The following CC2D1A variants were observed in gnomAD, a reference collection of about 807,000 sequenced individuals.
The protein encoded by CC2D1A is coiled-coil and C2 domain-containing protein 1A.
CC2D1A carries 68 observed loss-of-function variants against 123.8 expected under a neutral mutation model. That is an observed-to-expected ratio of 0.55 (90% CI 0.45 to 0.67). CC2D1A has a LOEUF of 0.67. CC2D1A is among the 30% of genes least tolerant of loss of function. CC2D1A has a pLI of 0.00. For missense variants in CC2D1A, 1,185 were observed against 1,290.3 expected, an observed-to-expected ratio of 0.92 and a Z score of 1.25; for synonymous variants, 477 against 528.0, an observed-to-expected ratio of 0.90 and a Z score of 1.32.
intron 6 of CC2D1A, among the ~76,000 whole-genome samples, chr19:13,915,835 G>GA (rs1203912265): frequency 3.3e-5 from 5 of 152,026 alleles, no homozygotes; most frequent in South Asian, 4.2e-4. Context: ...TCTAAAAAAA[G>GA]AAAAAACAGA....
chr19:13,920,103 T>A, intron 12 of CC2D1A, 152 bp downstream of exon 12: 1 of 698,986 alleles, frequency 1.4e-6, no homozygotes, highest in Non-Finnish European at 2.3e-6. Flanking sequence ...TTTTTAAAAT[T>A]AGCCAGGCAT....
intron 17 of CC2D1A, among the ~76,000 whole-genome samples, chr19:13,924,557 C>T (rs2145355132): frequency 6.6e-6 from 1 of 152,140 alleles, no homozygotes; most frequent in East Asian, 1.9e-4. Flanking sequence ...TCAACCTCTG[C>T]CTCCCAGGTT....
Position 13,930,583 on chromosome 19 carries a change from C to A in CC2D1A, c.*188C>A. ...GGGTGTTGGGAACCATGCCTGCCAGCCAGTATGTGCCCCTCACCCAGGCCT... is the reference window on the plus strand; with the variant it reads ...GGGTGTTGGGAACCATGCCTGCCAGACAGTATGTGCCCCTCACCCAGGCCT... On this transcript the variant is annotated 3_prime_UTR_variant, in exon 29 of 29. Coordinates refer to ENST00000318003, the MANE Select transcript of CC2D1A (RefSeq NM_017721.5). This position sits in a 1 kb window ranked among gnomAD's most constrained non-coding sequence, Gnocchi z 6.8. The A allele has an allele frequency of 1.5e-6, 1 of 656,270 alleles. No homozygotes were observed. Among genetic ancestry groups the A allele is most frequent in the Non-Finnish European group, 2.6e-6 (1 of 387,874 alleles). The allele number at this position is 656,270 out of a possible 1,614,324, so 40.7% of individuals were successfully genotyped here. A position where few individuals can be genotyped will look rare whatever the true frequency, so the allele number is the denominator to read the frequency against.
At position 13,918,981 on chromosome 19, in the gene CC2D1A, C is replaced by G; in HGVS notation, c.1088C>G (p.Ala363Gly). Residue 363 changes from alanine (A) to glycine (G), a missense_variant, in exon 10 of 29, where the codon GCA (alanine) becomes GGA (glycine). Physicochemically the swap from Ala to Gly is moderately conservative, Grantham distance 60 (BLOSUM62 0). Coordinates refer to ENST00000318003, the MANE Select transcript of CC2D1A (RefSeq NM_017721.5). ...CGGATGGAGCGGTACCAGGTGGCCG[C>G]AGCCCAGGCCAAGAGCAAGGGGGAC... ...EQRMERYQVA[A>G]AQAKSKGDQR... 6.2e-7 allele frequency: 1 copy of G among 1,609,392 alleles called. No individual in the cohort carries two copies. The highest frequency in any genetic ancestry group is 8.5e-7 in the Non-Finnish European group (1 of 1,177,908).
Position 13,930,513 on chromosome 19 carries a change from AC to A in CC2D1A, c.*122del. On this transcript the variant is annotated 3_prime_UTR_variant, in exon 29 of 29. Coordinates refer to ENST00000318003, the MANE Select transcript of CC2D1A (RefSeq NM_017721.5). This position sits in a 1 kb window ranked among gnomAD's most constrained non-coding sequence, Gnocchi z 6.8. ...TCAGCGGACAATCGGTTCTGGACTCACCCCTCATCCGGGCCCCCAGCCCCGC... is the reference window on the plus strand; with the variant it reads ...TCAGCGGACAATCGGTTCTGGACTCACCCTCATCCGGGCCCCCAGCCCCGC... 8.2e-7 allele frequency: 1 copy of A among 1,219,906 alleles called. No individual in the cohort carries two copies. The highest frequency in any genetic ancestry group is 1.1e-6 in the Non-Finnish European group (1 of 899,500). 75.6% of individuals were successfully genotyped at this position (1,219,906 alleles called of 1,614,324 possible).
Position 13,915,646 on chromosome 19 carries a change from A to G in CC2D1A, c.748+2008A>G, listed in dbSNP as rs1045344214. ...GGAGTTCAAGAGCAGTCTAGGCAAC[A>G]TAGCAAGAACCCATCTCTACATAAA... On this transcript the variant is annotated intron_variant, in intron 6 of 28. Coordinates refer to ENST00000318003, the MANE Select transcript of CC2D1A (RefSeq NM_017721.5). 9.9e-5 allele frequency among the ~76,000 whole-genome samples: 15 copies of G among 152,098 alleles called. 1 individual carries two copies. The South Asian group carries it at 2.7e-3, about 27-fold the overall frequency.
At chr19:13,912,937 C>T (rs749507114) in intron 4 of CC2D1A, among the ~76,000 whole-genome samples, 8 of 152,210 alleles carry the variant, frequency 5.3e-5, no homozygotes, top group Non-Finnish European at 8.8e-5. Context: ...TGAGCCACCG[C>T]GCCTGGCCCA....
Position 13,923,890 on chromosome 19 carries a change from A to G in CC2D1A, c.1940+79A>G, listed in dbSNP as rs1012570951. The G allele has an allele frequency of 2.9e-6, 3 of 1,037,848 alleles. No individual in the cohort carries two copies. The African/African-American group carries it at 4.7e-5, about 16-fold the overall frequency. 64.3% of individuals were successfully genotyped at this position (1,037,848 alleles called of 1,614,324 possible). On this transcript the variant is annotated intron_variant, in intron 17 of 28. Coordinates refer to ENST00000318003, the MANE Select transcript of CC2D1A (RefSeq NM_017721.5). This position sits in a 1 kb window ranked among gnomAD's most constrained non-coding sequence, Gnocchi z 5.3. ...GGTGGGGCGGGTTGTGCTCCCCAGA[A>G]GCTGGCACAAGATTTACATCTGGAA... is the stretch of plus-strand genomic sequence containing the variant.
In CC2D1A at chr19:13,920,738, C is replaced by T; in HGVS notation, c.1469-12C>T. ...GCCTGGGCAGCACCCATAGCAGCTC[C>T]TATGCCCACAGCCCAGCAGCAGCTG... is the stretch of plus-strand genomic sequence containing the variant. On this transcript the variant is annotated splice_polypyrimidine_tract_variant and intron_variant, in intron 13 of 28. Coordinates refer to ENST00000318003, the MANE Select transcript of CC2D1A (RefSeq NM_017721.5). The T allele has an allele frequency of 6.2e-7, 1 of 1,612,828 alleles. No individual in the cohort carries two copies. Among genetic ancestry groups the T allele is most frequent in the Non-Finnish European group, 8.5e-7 (1 of 1,179,362 alleles).
rs201844043 is a variant in CC2D1A at position 13,926,679 on chromosome 19, G to T, written c.2027G>T (p.Gly676Val). The change falls in exon 19 of 29, where the codon GGC becomes GTC. Residue 676 changes from glycine (G) to valine (V), a missense_variant. Transcript: ENST00000318003. ...TGTTTGCCCACAGGACTGTCCCCTGGCGATCTGGATGTCTTTGTTCGGTTT... is the reference window on the plus strand; with the variant it reads ...TGTTTGCCCACAGGACTGTCCCCTGTCGATCTGGATGTCTTTGTTCGGTTT... ...NLPTPPGLSPGDLDVFVRFDF... is the reference protein window; with the variant it reads ...NLPTPPGLSPVDLDVFVRFDF... The T allele has an allele frequency of 1.8e-4, 287 of 1,614,142 alleles. No individual in the cohort carries two copies. Among genetic ancestry groups the T allele is most frequent in the South Asian group, 6.4e-4 (58 of 91,086 alleles).
At chr19:13,910,072 T>G in intron 2 of CC2D1A, 114 bp downstream of exon 2, 2 of 1,020,750 alleles carry the variant, frequency 2.0e-6, no homozygotes, top group East Asian at 2.9e-5. Context: ...ACCCCTGTTC[T>G]CCTGGAGCCA....
At chr19:13,926,065 TACACACACACACAC>T (rs111396032) in intron 17 of CC2D1A, among the ~76,000 whole-genome samples, 1 of 128,080 alleles carries the variant, frequency 7.8e-6, no homozygotes, top group African/African-American at 3.6e-5. Flanking sequence ...TATGTATATA[TACACACACACACAC>T]ACACACACAT....
At chr19:13,925,933 A>AATATATATATATAT (rs1210738190) in intron 17 of CC2D1A, among the ~76,000 whole-genome samples, 25 of 91,022 alleles carry the variant, frequency 2.7e-4, no homozygotes, top group African/African-American at 1.5e-3. Flanking sequence ...AAAAAAAAAA[A>AATATATATATATAT]ATATATATAT....
At chr19:13,907,260 AG>A (rs1333621460) in intron 1 of CC2D1A, among the ~76,000 whole-genome samples, 4 of 152,108 alleles carry the variant, frequency 2.6e-5, no homozygotes, top group Non-Finnish European at 5.9e-5. Context: ...CGACAAAAAA[AG>A]ACTAACTGGG....
At position 13,923,414 on chromosome 19, in the gene CC2D1A, C is replaced by T. The variant is rs61748827; in HGVS notation, c.1723C>T (p.Arg575Cys). The change falls in exon 15 of 29, where the codon CGC (arginine) becomes TGC (cysteine). Residue 575 changes from arginine (R) to cysteine (C), a missense_variant. Transcript: ENST00000318003. This position sits in a 1 kb window ranked among gnomAD's most constrained non-coding sequence, Gnocchi z 5.3. Reference protein sequence around the residue: ...GPGLSQEAARRYGELTKLIRQ... With the variant: ...GPGLSQEAARCYGELTKLIRQ... ...GGGTCTGTCTCAGGAGGCCGCCCGG[C>T]GCTATGGTGAACTCACCAAGCTCAT... The T allele has an allele frequency of 2.0e-4, 315 of 1,613,668 alleles. No individual in the cohort carries two copies. The African/African-American group carries it at 3.6e-3, about 18-fold the overall frequency.
At chr19:13,925,687 A>C (rs1435732114) in intron 17 of CC2D1A, among the ~76,000 whole-genome samples, 2 of 151,692 alleles carry the variant, frequency 1.3e-5, no homozygotes, top group Non-Finnish European at 2.9e-5. Flanking sequence ...TGGGAGGCCA[A>C]GGCAGGCGGA....
At chr19:13,909,405 T>G (rs1451331238) in intron 1 of CC2D1A, among the ~76,000 whole-genome samples, 2 of 151,742 alleles carry the variant, frequency 1.3e-5, no homozygotes, top group African/African-American at 4.8e-5. Flanking sequence ...AAAACTTTTT[T>G]TTTTTTTGTA....
chr19:13,906,518 C>A lies in CC2D1A; in HGVS notation c.60+17C>A. 2 of 1,468,486 alleles carry A rather than the reference C, an allele frequency of 1.4e-6. No individual in the cohort carries two copies. Among genetic ancestry groups the A allele is most frequent in the East Asian group, 2.9e-5 (1 of 34,214 alleles). 91.0% of individuals were successfully genotyped at this position (1,468,486 alleles called of 1,614,324 possible). On this transcript the variant is annotated intron_variant, in intron 1 of 28. Transcript: ENST00000318003. This position sits in a 1 kb window ranked among gnomAD's most constrained non-coding sequence, Gnocchi z 4.1. ...GCCCGCCAGGTGAGTTTGCGCCCCA[C>A]GGCCCGACCTGGGGATCCCTCCCCA... is the stretch of plus-strand genomic sequence containing the variant.
chr19:13,925,939 T>A (rs867291679), intron 17 of CC2D1A, among the ~76,000 whole-genome samples: 6,067 of 115,444 alleles, frequency 0.053, 307 homozygotes, highest in Non-Finnish European at 0.081. Flanking sequence ...AAAAAATATA[T>A]ATATATATAT....
Sources: gnomAD v4.1 joint callset for allele counts (sites outside exome capture counted in the v4.1 genomes callset) on GRCh38, gnomAD v4.1.1 for gene constraint, Gnocchi (gnomAD v3.1) non-coding constraint, MANE v1.5 for transcripts, NCBI Gene and HGNC (gene_info 2026-07-23, HGNC 2026-07-21) for gene names.